RBMS3: variants seen among roughly 807,000 people sequenced by gnomAD.
RBMS3 encodes RNA-binding motif, single-stranded-interacting protein 3.
RBMS3 carries 27 observed loss-of-function variants against 66.8 expected under a neutral mutation model. The ratio of observed to expected loss-of-function variants is 0.40; its 90% confidence interval spans 0.30 to 0.56. RBMS3 has a LOEUF of 0.56. RBMS3 is among the 20% of genes least tolerant of loss of function. RBMS3 has a pLI of 0.40. For missense variants in RBMS3, 513 were observed against 549.5 expected (o/e 0.93, Z 0.66); for synonymous variants, 188 against 183.0 (o/e 1.03, Z -0.22).
At chr3:29,526,082 G>A (rs1040121352) in intron 3 of RBMS3, among the ~76,000 whole-genome samples, 7 of 152,018 alleles carry the variant, frequency 4.6e-5, no homozygotes, top group Non-Finnish European at 7.4e-5. Flanking sequence ...GTCTCTAACC[G>A]CTCAAAATGT....
At position 29,565,779 on chromosome 3, in the gene RBMS3, T is replaced by G. The variant is rs188057496; in HGVS notation, c.308-21335T>G. Among the ~76,000 whole-genome samples the G allele has an allele frequency of 1.3e-3, 193 of 152,326 alleles. 1 individual carries two copies. Among genetic ancestry groups the G allele is most frequent in the African/African-American group, 4.4e-3 (181 of 41,576 alleles). ...GTTCTTTATGAAAAAAATTGTTTTCTTTTTAGTTTTAAACTTTTATGTCCA... is the reference window on the plus strand; with the variant it reads ...GTTCTTTATGAAAAAAATTGTTTTCGTTTTAGTTTTAAACTTTTATGTCCA... On this transcript the variant is annotated intron_variant, in intron 3 of 14. Transcript: ENST00000383767.
chr3:29,432,157 G>A (rs2041232142), intron 1 of RBMS3, among the ~76,000 whole-genome samples: 1 of 152,160 alleles, frequency 6.6e-6, no homozygotes, highest in African/African-American at 2.4e-5. Context: ...GGAAACAATG[G>A]GAATTCAGAG....
intron 1 of RBMS3, among the ~76,000 whole-genome samples, chr3:29,407,687 G>A (rs1049965191): frequency 1.4e-4 from 22 of 152,150 alleles, no homozygotes; most frequent in African/African-American, 4.8e-5. Context: ...AGTTAGGCTT[G>A]AGCATTACAC....
chr3:29,925,163 CTAAT>C (rs1423240202), intron 10 of RBMS3: 4 of 152,180 alleles, frequency 2.6e-5, no homozygotes, highest in Admixed American at 6.5e-5. Flanking sequence ...AATTTTTAAA[CTAAT>C]TATAGCACTT....
chr3:29,667,284 C>T (rs1015069032), intron 4 of RBMS3, among the ~76,000 whole-genome samples: 1 of 152,094 alleles, frequency 6.6e-6, no homozygotes, highest in Non-Finnish European at 1.5e-5. Context: ...GTGTAAAGAA[C>T]CATTACTTGG....
chr3:29,953,961 T>A (rs543142278), intron 12 of RBMS3, among the ~76,000 whole-genome samples: 6 of 151,872 alleles, frequency 4.0e-5, no homozygotes, highest in Non-Finnish European at 7.4e-5. Flanking sequence ...ATAGTCCTCT[T>A]TTTGTCAATG....
At chr3:29,833,954 A>G (rs969987497) in intron 6 of RBMS3, among the ~76,000 whole-genome samples, 2 of 152,134 alleles carry the variant, frequency 1.3e-5, no homozygotes, top group African/African-American at 4.8e-5. Flanking sequence ...CTTATCACAT[A>G]TAAGAGAACC....
chr3:29,700,177 C>G (rs1049402562), intron 4 of RBMS3, among the ~76,000 whole-genome samples: 15 of 152,192 alleles, frequency 9.9e-5, no homozygotes, highest in African/African-American at 2.7e-4. Flanking sequence ...TCCAGGAACA[C>G]TTTTCTCTCA....
chr3:29,844,526 T>C (rs2058734573), intron 6 of RBMS3, among the ~76,000 whole-genome samples: 1 of 152,220 alleles, frequency 6.6e-6, no homozygotes, highest in South Asian at 2.1e-4. Context: ...CTAAACTTTC[T>C]CCAGGAAGTT....
intron 4 of RBMS3, among the ~76,000 whole-genome samples, chr3:29,636,479 T>C (rs562245188): frequency 8.5e-5 from 13 of 152,052 alleles, no homozygotes; most frequent in African/African-American, 2.9e-4. Flanking sequence ...TATTCAGGTA[T>C]GTGCGAGGGG....
chr3:29,701,475 C>T (rs886858673), intron 4 of RBMS3, among the ~76,000 whole-genome samples: 2 of 152,166 alleles, frequency 1.3e-5, no homozygotes, highest in African/African-American at 2.4e-5. Context: ...CCACTCTGGC[C>T]GTGCTTGAGG....
chr3:29,692,112 G>C (rs576447103), intron 4 of RBMS3, among the ~76,000 whole-genome samples: 2 of 151,622 alleles, frequency 1.3e-5, no homozygotes. Flanking sequence ...CTCCCAAGTA[G>C]CTGGGATTAC....
intron 6 of RBMS3, chr3:29,767,056 T>C (rs2055959873): frequency 6.6e-6 from 1 of 151,938 alleles, no homozygotes; most frequent in African/African-American, 2.4e-5. Flanking sequence ...CCGTAATGAA[T>C]TACACAGCAA....
intron 1 of RBMS3, among the ~76,000 whole-genome samples, chr3:29,308,775 G>A (rs2034186696): frequency 7.5e-6 from 1 of 133,094 alleles, no homozygotes; most frequent in South Asian, 2.5e-4. Context: ...AAACGGGAAA[G>A]TAAAACTGGG....
chr3:29,576,433 A>C (rs1213355923), intron 3 of RBMS3, among the ~76,000 whole-genome samples: 2 of 152,086 alleles, frequency 1.3e-5, no homozygotes, highest in African/African-American at 4.8e-5. Flanking sequence ...TCAGACCTGA[A>C]ACCTGCATAG....
intron 3 of RBMS3, among the ~76,000 whole-genome samples, chr3:29,527,241 T>C (rs909729479): frequency 7.0e-6 from 1 of 142,920 alleles, no homozygotes; most frequent in South Asian, 2.2e-4. Flanking sequence ...ATGAGAACTA[T>C]GCTAAATAGT....
intron 6 of RBMS3, among the ~76,000 whole-genome samples, chr3:29,771,261 G>T (rs1208800911): frequency 1.3e-5 from 2 of 151,924 alleles, no homozygotes; most frequent in Non-Finnish European, 2.9e-5. Context: ...GCTTATGAAG[G>T]TTCATTTGTC....
At chr3:29,989,381 T>C (rs1024188149) in intron 13 of RBMS3, among the ~76,000 whole-genome samples, 3 of 152,150 alleles carry the variant, frequency 2.0e-5, no homozygotes, top group Non-Finnish European at 4.4e-5. Context: ...TTATTGCCCT[T>C]CTTTCCCCTC....
At chr3:29,364,716 C>T (rs548847948) in intron 1 of RBMS3, among the ~76,000 whole-genome samples, 37 of 152,230 alleles carry the variant, frequency 2.4e-4, no homozygotes, top group Non-Finnish European at 3.8e-4. Context: ...ATGTGTGTCT[C>T]CTGGTGAGAG....
Sources: gnomAD v4.1 joint callset for allele counts (sites outside exome capture counted in the v4.1 genomes callset) on GRCh38, gnomAD v4.1.1 for gene constraint, MANE v1.5 for transcripts, NCBI Gene and HGNC (gene_info 2026-07-23, HGNC 2026-07-21) for gene names.